The following SV2B variants were observed in gnomAD, a reference collection of about 807,000 sequenced individuals.
The protein encoded by SV2B is synaptic vesicle glycoprotein 2B.
In SV2B, 41 loss-of-function variants were observed where a neutral mutation model predicts 73.9. That is an observed-to-expected ratio of 0.56 (90% CI 0.43 to 0.72). The LOEUF (loss-of-function observed/expected upper bound fraction) is 0.72, where lower values mean the gene tolerates loss of function less well. SV2B is among the 30% of genes least tolerant of loss of function. The pLI, the probability that SV2B is intolerant of heterozygous loss-of-function variation, is 0.00. For synonymous variants in SV2B, 314 were observed against 314.2 expected, an observed-to-expected ratio of 1.00 and a Z score of 0.01; for missense variants, 764 against 857.8, an observed-to-expected ratio of 0.89 and a Z score of 1.37.
intron 1 of SV2B, among the ~76,000 whole-genome samples, chr15:91,154,503 C>T (rs1169656602): frequency 1.3e-5 from 2 of 152,156 alleles, no homozygotes; most frequent in Admixed American, 6.5e-5. Flanking sequence ...GGCTGTGTAG[C>T]GTCAGGTATT....
Position 91,246,750 on chromosome 15 carries a change from T to C in SV2B, c.452-5069T>C, listed in dbSNP as rs112812509. Among the ~76,000 whole-genome samples, 144 of 148,326 alleles carry C rather than the reference T, an allele frequency of 9.7e-4. 3 individuals are homozygous for C. The highest frequency in any genetic ancestry group is 3.4e-3 in the African/African-American group (131 of 38,842). ...TCCTCCTCCTCCTCCTCCTCCTCCT[T>C]CTTCTCCTCTTCCTCCTTTGCTCTG... On this transcript the variant is annotated intron_variant, in intron 2 of 12. Coordinates refer to ENST00000394232, the MANE Select transcript of SV2B (RefSeq NM_001323032.3).
At chr15:91,168,453 T>G (rs968468446) in intron 1 of SV2B, among the ~76,000 whole-genome samples, 1 of 152,152 alleles carries the variant, frequency 6.6e-6, no homozygotes, top group Non-Finnish European at 1.5e-5. Flanking sequence ...GGGGGAGTGC[T>G]GGTTCATGCC....
chr15:91,193,016 A>G (rs1453807568), intron 1 of SV2B, among the ~76,000 whole-genome samples: 1 of 152,218 alleles, frequency 6.6e-6, no homozygotes, highest in Non-Finnish European at 1.5e-5. Context: ...AAAAAGAGAC[A>G]CAAATCTATC....
chr15:91,139,549 A>G lies in SV2B; in HGVS notation c.-392+39186A>G, dbSNP rs1182931012. Among the ~76,000 whole-genome samples, 1 of 152,124 alleles carries G rather than the reference A, an allele frequency of 6.6e-6. No individual in the cohort carries two copies. The highest frequency in any genetic ancestry group is 2.4e-5 in the African/African-American group (1 of 41,416). On this transcript the variant is annotated intron_variant, in intron 1 of 12. Transcript: ENST00000394232. This position sits in a 1 kb window ranked among gnomAD's most constrained non-coding sequence, Gnocchi z 5.2. ...CACCGCTATCAATGCTGTAGTAAGG[A>G]GAGTAAGCCTTGGGCTAAGGGCACT...
intron 1 of SV2B, among the ~76,000 whole-genome samples, chr15:91,186,733 AG>A (rs1375327681): frequency 1.3e-5 from 2 of 152,188 alleles, no homozygotes; most frequent in African/African-American, 4.8e-5. Context: ...GAGGAGGTTG[AG>A]GGGTGAGAAA....
At chr15:91,270,246 A>G (rs1245947184) in intron 9 of SV2B, among the ~76,000 whole-genome samples, 1 of 152,230 alleles carries the variant, frequency 6.6e-6, no homozygotes, top group Non-Finnish European at 1.5e-5. Context: ...TAATGGTAGC[A>G]GTGACAGTGA....
chr15:91,157,376 C>T (rs2043526505), intron 1 of SV2B, among the ~76,000 whole-genome samples: 1 of 151,734 alleles, frequency 6.6e-6, no homozygotes, highest in African/African-American at 2.4e-5. Flanking sequence ...TGCTTTGTTC[C>T]TCTTTTTCCT....
Position 91,239,560 on chromosome 15 carries a change from C to G in SV2B, c.452-12259C>G, listed in dbSNP as rs140173544. On this transcript the variant is annotated intron_variant, in intron 2 of 12. Coordinates refer to ENST00000394232, the MANE Select transcript of SV2B (RefSeq NM_001323032.3). The surrounding 1 kb of genome is among the most constrained non-coding windows in gnomAD (Gnocchi z 5.1). ...AGGTCATATACTCTCAGACCAGAAT[C>G]TGGGACTCCTGACTATTGGCACAGA... is the stretch of plus-strand genomic sequence containing the variant. Among the ~76,000 whole-genome samples, 3 of 152,232 alleles carry G rather than the reference C, an allele frequency of 2.0e-5. No homozygotes were observed. The highest frequency in any genetic ancestry group is 7.2e-5 in the African/African-American group (3 of 41,552).
rs2042854546 is a variant in SV2B at position 91,137,145 on chromosome 15, C to T, written c.-392+36782C>T. Among the ~76,000 whole-genome samples the T allele has an allele frequency of 6.6e-6, 1 of 152,152 alleles. No individual in the cohort carries two copies. Among genetic ancestry groups the T allele is most frequent in the South Asian group, 2.1e-4 (1 of 4,824 alleles). On this transcript the variant is annotated intron_variant, in intron 1 of 12. Coordinates refer to ENST00000394232, the MANE Select transcript of SV2B (RefSeq NM_001323032.3). This position sits in a 1 kb window ranked among gnomAD's most constrained non-coding sequence, Gnocchi z 4.9. ...GCTGGGAGGTGAGAGGGCCAGGTCACATAACCTCCAAATCCCATGTATTTT... is the reference window on the plus strand; with the variant it reads ...GCTGGGAGGTGAGAGGGCCAGGTCATATAACCTCCAAATCCCATGTATTTT...
rs1414448385 is a variant in SV2B at position 91,224,687 on chromosome 15, C to T, written c.-391-1186C>T. ...TGACCTTGATCGCGTTACTAACCCA[C>T]TCGGAGACAGTTTGATTATCTCTCA... is the stretch of plus-strand genomic sequence containing the variant. On this transcript the variant is annotated intron_variant, in intron 1 of 12. Transcript: ENST00000394232. The surrounding 1 kb of genome is among the most constrained non-coding windows in gnomAD (Gnocchi z 4.9). 6.6e-6 allele frequency among the ~76,000 whole-genome samples: 1 copy of T among 152,208 alleles called. No homozygotes were observed. Among genetic ancestry groups the T allele is most frequent in the South Asian group, 2.1e-4 (1 of 4,830 alleles).
chr15:91,202,029 C>T (rs1246162949), intron 1 of SV2B, among the ~76,000 whole-genome samples: 1 of 152,172 alleles, frequency 6.6e-6, no homozygotes, highest in Non-Finnish European at 1.5e-5. Context: ...CTTTACTCAA[C>T]GTAGTCTTTC....
chr15:91,166,574 C>A (rs1415298832), intron 1 of SV2B, among the ~76,000 whole-genome samples: 2 of 151,812 alleles, frequency 1.3e-5, no homozygotes, highest in Non-Finnish European at 2.9e-5. Context: ...TCTTTAGAGA[C>A]CCTGATAGCA....
chr15:91,270,268 A>G (rs986732636), intron 9 of SV2B, among the ~76,000 whole-genome samples: 2 of 152,224 alleles, frequency 1.3e-5, no homozygotes, highest in African/African-American at 4.8e-5. Flanking sequence ...AATAATGCCA[A>G]TGATAGTCAC....
chr15:91,281,462 G>C lies in SV2B; in HGVS notation c.1374-266G>C, dbSNP rs146442016. 1.3e-5 allele frequency among the ~76,000 whole-genome samples: 2 copies of C among 152,146 alleles called. No homozygotes were observed. Among genetic ancestry groups the C allele is most frequent in the Non-Finnish European group, 2.9e-5 (2 of 68,022 alleles). ...ACATTTCTGTGATTCTGACTTAGAA[G>C]GTCCGTGGACCTGCCTTTGAAAACC... On this transcript the variant is annotated intron_variant, in intron 9 of 12. Transcript: ENST00000394232. This position sits in a 1 kb window ranked among gnomAD's most constrained non-coding sequence, Gnocchi z 4.7.
chr15:91,171,424 T>C (rs1346902828), intron 1 of SV2B, among the ~76,000 whole-genome samples: 2 of 152,174 alleles, frequency 1.3e-5, no homozygotes, highest in Non-Finnish European at 2.9e-5. Flanking sequence ...TGGTGGCACA[T>C]GTGTCTTGAC....
chr15:91,121,049 A>G lies in SV2B; in HGVS notation c.-392+20686A>G, dbSNP rs141317309. ...TCATCCCCTCGCTTAAGATTTTTGC[A>G]AATTGTTTCCCATGGTTTAAGGTGG... On this transcript the variant is annotated intron_variant, in intron 1 of 12. Transcript: ENST00000394232. This position sits in a 1 kb window ranked among gnomAD's most constrained non-coding sequence, Gnocchi z 4.4. Among the ~76,000 whole-genome samples the G allele has an allele frequency of 6.6e-6, 1 of 152,148 alleles. No individual in the cohort carries two copies.
chr15:91,180,224 C>T (rs555735524), intron 1 of SV2B, among the ~76,000 whole-genome samples: 7 of 152,222 alleles, frequency 4.6e-5, no homozygotes, highest in East Asian at 1.9e-4. Context: ...TATTGGCCCC[C>T]GCTCTCTTCT....
At chr15:91,131,990 C>T (rs1269855009) in intron 1 of SV2B, among the ~76,000 whole-genome samples, 2 of 152,042 alleles carry the variant, frequency 1.3e-5, no homozygotes, top group Admixed American at 6.5e-5. Flanking sequence ...ACAAACAAAA[C>T]TTAGCCAAGT....
At chr15:91,246,354 C>T (rs924933823) in intron 2 of SV2B, among the ~76,000 whole-genome samples, 1 of 152,158 alleles carries the variant, frequency 6.6e-6, no homozygotes, top group African/African-American at 2.4e-5. Context: ...AGCTGTACTG[C>T]TAATAACATC....
Sources: allele counts gnomAD v4.1 joint callset (sites outside exome capture counted in the v4.1 genomes callset), GRCh38; gene constraint gnomAD v4.1.1; non-coding constraint Gnocchi (gnomAD v3.1); transcripts MANE v1.5; gene names NCBI Gene and HGNC (gene_info 2026-07-23, HGNC 2026-07-21).